The following FHIT variants were observed in gnomAD, a reference collection of about 807,000 sequenced individuals.
FHIT encodes the protein fragile histidine triad diadenosine triphosphatase.
A neutral mutation model predicts 17.9 loss-of-function variants in FHIT; 19 were observed. The ratio of observed to expected loss-of-function variants is 1.06; its 90% CI spans 0.74 to 1.56. FHIT has a LOEUF of 1.56. Ranked by LOEUF, FHIT falls within the 40% of genes most tolerant of loss-of-function variation. FHIT has a pLI of 0.00. For synonymous variants in FHIT, 81 were observed against 69.7 expected (o/e 1.16, Z -0.81); for missense variants, 248 against 189.2 (o/e 1.31, Z -1.82).
At chr3:59,814,739 C>T (rs1221931735) in intron 8 of FHIT, among the ~76,000 whole-genome samples, 1 of 152,244 alleles carries the variant, frequency 6.6e-6, no homozygotes, top group East Asian at 1.9e-4. Context: ...AAAGACAGTC[C>T]CTCTCTCATG....
chr3:60,191,320 TAGC>T (rs1375868579), intron 5 of FHIT, among the ~76,000 whole-genome samples: 6 of 152,286 alleles, frequency 3.9e-5, no homozygotes, highest in Admixed American at 1.3e-4. Flanking sequence ...GAAATAAAAA[TAGC>T]AGTATTTTCT....
At chr3:59,897,246 T>A (rs1704111930) in intron 8 of FHIT, among the ~76,000 whole-genome samples, 1 of 152,242 alleles carries the variant, frequency 6.6e-6, no homozygotes, top group Non-Finnish European at 1.5e-5. Context: ...TTGCAAAGCA[T>A]TTAATGTTAA....
At chr3:60,691,004 T>A (rs2040975399) in intron 4 of FHIT, among the ~76,000 whole-genome samples, 1 of 150,260 alleles carries the variant, frequency 6.7e-6, no homozygotes, top group Non-Finnish European at 1.5e-5. Flanking sequence ...TTTGTTTGCC[T>A]GTGTGTGTGA....
At chr3:60,883,393 A>G (rs535431309) in intron 3 of FHIT, among the ~76,000 whole-genome samples, 1 of 152,262 alleles carries the variant, frequency 6.6e-6, no homozygotes, top group South Asian at 2.1e-4. Context: ...ACCACTGAAG[A>G]CCCCAAATAG....
At chr3:60,652,780 G>A (rs2040023805) in intron 4 of FHIT, among the ~76,000 whole-genome samples, 1 of 149,978 alleles carries the variant, frequency 6.7e-6, no homozygotes, top group Non-Finnish European at 1.5e-5. Flanking sequence ...CATGGTGGCA[G>A]GTGCCTGTAA....
rs75472113 is a variant in FHIT at position 60,054,991 on chromosome 3, G to T, written c.104-40839C>A. ...ACTCCCACTGATCTGTGTGTGGGTT[G>T]CGTGTTTGTCTAGAGAGGACAGTTG... On this transcript the variant is annotated intron_variant, in intron 5 of 9. Transcript: ENST00000492590. Among the ~76,000 whole-genome samples the T allele has an allele frequency of 2.0e-5, 3 of 152,224 alleles. No homozygotes were observed. In the East Asian group the frequency reaches 5.8e-4, roughly 29 times the overall value.
intron 5 of FHIT, among the ~76,000 whole-genome samples, chr3:60,062,782 G>A (rs1702345613): frequency 6.6e-6 from 1 of 151,982 alleles, no homozygotes; most frequent in Non-Finnish European, 1.5e-5. Flanking sequence ...TGTTTTTTTG[G>A]TTTGAGAAAG....
intron 8 of FHIT, among the ~76,000 whole-genome samples, chr3:59,913,602 G>A (rs1402298108): frequency 2.6e-5 from 4 of 152,000 alleles, no homozygotes; most frequent in Non-Finnish European, 2.9e-5. Flanking sequence ...TAAAATAGAT[G>A]TATTACTAGT....
intron 5 of FHIT, among the ~76,000 whole-genome samples, chr3:60,468,404 A>G (rs546063162): frequency 1.2e-4 from 18 of 151,890 alleles, no homozygotes; most frequent in Non-Finnish European, 1.5e-4. Flanking sequence ...CCTTTTAATG[A>G]AGGTGATTTT....
At chr3:60,310,222 T>G (rs1309524543) in intron 5 of FHIT, among the ~76,000 whole-genome samples, 1 of 152,164 alleles carries the variant, frequency 6.6e-6, no homozygotes, top group African/African-American at 2.4e-5. Context: ...TTTGAAGGCT[T>G]TTGACCCACC....
intron 5 of FHIT, among the ~76,000 whole-genome samples, chr3:60,405,284 T>C (rs1291457524): frequency 6.6e-6 from 1 of 152,212 alleles, no homozygotes; most frequent in African/African-American, 2.4e-5. Flanking sequence ...TAAATTGTCA[T>C]GCCCACCTTT....
At chr3:60,430,909 T>A (rs983791209) in intron 5 of FHIT, among the ~76,000 whole-genome samples, 1 of 151,998 alleles carries the variant, frequency 6.6e-6, no homozygotes, top group Non-Finnish European at 1.5e-5. Context: ...AGATTGCTCC[T>A]TTTTCTCAGT....
At chr3:60,997,595 T>C (rs13087545) in intron 3 of FHIT, among the ~76,000 whole-genome samples, 55,502 of 151,932 alleles carry the variant, frequency 0.37, 13,017 homozygotes, top group Non-Finnish European at 0.52. Flanking sequence ...CCTATAGTTT[T>C]ATACTCACTC....
intron 8 of FHIT, among the ~76,000 whole-genome samples, chr3:59,879,076 A>G (rs1703291555): frequency 6.6e-6 from 1 of 152,198 alleles, no homozygotes. Context: ...TGAGCTTTCT[A>G]CAACAAACAC....
chr3:60,915,313 T>C (rs189265080), intron 3 of FHIT, among the ~76,000 whole-genome samples: 3 of 152,318 alleles, frequency 2.0e-5, no homozygotes, highest in Admixed American at 6.5e-5. Flanking sequence ...AAGTGGGGAA[T>C]GACACAGCTT....
intron 3 of FHIT, among the ~76,000 whole-genome samples, chr3:60,891,748 G>C (rs1413187132): frequency 2.6e-5 from 4 of 152,044 alleles, no homozygotes; most frequent in African/African-American, 9.7e-5. Context: ...TTTATTTTCT[G>C]GGACAGTGCA....
chr3:59,851,926 AC>A (rs1428260027), intron 8 of FHIT, among the ~76,000 whole-genome samples: 1 of 152,194 alleles, frequency 6.6e-6, no homozygotes, highest in Admixed American at 6.5e-5. Flanking sequence ...AGTCACACAT[AC>A]CTGTAGAACT....
intron 5 of FHIT, among the ~76,000 whole-genome samples, chr3:60,283,230 T>TA (rs1707550463): frequency 6.6e-6 from 1 of 151,666 alleles, no homozygotes; most frequent in African/African-American, 2.4e-5. Flanking sequence ...CAGGGATATA[T>TA]ACACACACAC....
In FHIT at chr3:60,272,945, G is replaced by C. The variant is rs200871243; in HGVS notation, c.104-258793C>G. Among the ~76,000 whole-genome samples, 16 of 152,308 alleles carry C rather than the reference G, an allele frequency of 1.1e-4. No individual in the cohort carries two copies. The East Asian group carries it at 2.9e-3, about 28-fold the overall frequency. ...TCCTTGAAGGTGCTATCAAATTAAC[G>C]TATGTCTAACAATTCTGTCTCCATT... is the stretch of plus-strand genomic sequence containing the variant. On this transcript the variant is annotated intron_variant, in intron 5 of 9. Coordinates refer to ENST00000492590, the MANE Select transcript of FHIT (RefSeq NM_002012.4).
Sources: allele counts gnomAD v4.1 joint callset (sites outside exome capture counted in the v4.1 genomes callset), GRCh38; gene constraint gnomAD v4.1.1; transcripts MANE v1.5; gene names NCBI Gene and HGNC (gene_info 2026-07-23, HGNC 2026-07-21).